RUFY1: variants seen among roughly 807,000 people sequenced by gnomAD.
The protein encoded by RUFY1 is RUN and FYVE domain containing 1.
In RUFY1, 54 loss-of-function variants were observed where a neutral mutation model predicts 94.6. The ratio of observed to expected loss-of-function variants is 0.57; its 90% CI spans 0.46 to 0.72. The LOEUF (loss-of-function observed/expected upper bound fraction) is 0.72, where lower values mean the gene tolerates loss of function less well. Among genes scored for constraint, RUFY1 ranks in the 30% least tolerant of loss-of-function variants. RUFY1 has a pLI of 0.00. For synonymous variants in RUFY1, 396 were observed against 347.3 expected (o/e 1.14, Z -1.56); for missense variants, 883 against 883.9 (o/e 1.00, Z 0.01).
intron 3 of RUFY1, among the ~76,000 whole-genome samples, chr5:179,566,585 A>T (rs1311624161): frequency 6.6e-6 from 1 of 150,440 alleles, no homozygotes; most frequent in Non-Finnish European, 1.5e-5. Context: ...AGATTGTGCC[A>T]CTGCACTCTA....
chr5:179,573,086 C>G (rs1763341709), intron 5 of RUFY1, among the ~76,000 whole-genome samples: 1 of 152,066 alleles, frequency 6.6e-6, no homozygotes, highest in South Asian at 2.1e-4. Context: ...TGGTTTATTT[C>G]TGGACTCTTC....
intron 9 of RUFY1, chr5:179,590,870 G>A (rs998412725): frequency 1.3e-5 from 2 of 149,840 alleles, no homozygotes; most frequent in African/African-American, 4.9e-5. Flanking sequence ...GAGTCTTGCT[G>A]TCACCCAGGC....
intron 17 of RUFY1, chr5:179,608,174 C>G (rs1767310132): frequency 2.4e-6 from 1 of 408,800 alleles, no homozygotes; most frequent in Non-Finnish European, 3.3e-6. Flanking sequence ...TCACCAAGAC[C>G]AGCTGGGTAG....
At chr5:179,607,545 A>G in intron 16 of RUFY1, 37 bp from the exon 17 acceptor site, 1 of 1,593,332 alleles carries the variant, frequency 6.3e-7, no homozygotes, top group South Asian at 1.1e-5. Flanking sequence ...AGGGGCTTAG[A>G]CAGAAAGTGG....
intron 9 of RUFY1, among the ~76,000 whole-genome samples, chr5:179,590,120 G>A (rs1377167577): frequency 1.3e-5 from 2 of 152,080 alleles, no homozygotes; most frequent in South Asian, 2.1e-4. Flanking sequence ...TTGGGAGGCC[G>A]AGGCGGGCGG....
intron 13 of RUFY1, among the ~76,000 whole-genome samples, chr5:179,597,417 A>G (rs1343717736): frequency 6.6e-6 from 1 of 152,036 alleles, no homozygotes; most frequent in Non-Finnish European, 1.5e-5. Context: ...TTGTATTTTT[A>G]GTAGAGACGG....
At chr5:179,597,786 G>A (rs1359638937) in intron 13 of RUFY1, among the ~76,000 whole-genome samples, 1 of 152,204 alleles carries the variant, frequency 6.6e-6, no homozygotes, top group Non-Finnish European at 1.5e-5. Context: ...GTCCAGCAGT[G>A]CCCCCAGGGC....
intron 5 of RUFY1, among the ~76,000 whole-genome samples, chr5:179,571,412 T>C (rs1763214195): frequency 6.6e-6 from 1 of 151,762 alleles, no homozygotes; most frequent in African/African-American, 2.4e-5. Flanking sequence ...GGTGGGAGGA[T>C]TGCTTGAGCC....
intron 16 of RUFY1, 120 bp downstream of exon 16, chr5:179,606,044 G>A (rs866646704): frequency 8.4e-6 from 6 of 713,698 alleles, no homozygotes; most frequent in African/African-American, 3.6e-5. Flanking sequence ...TGGTGATGAC[G>A]TATTGACAGA....
At chr5:179,599,182 G>A in intron 14 of RUFY1, 1 of 204,888 alleles carries the variant, frequency 4.9e-6, no homozygotes, top group Non-Finnish European at 9.7e-6. Context: ...AGTGTGAGGA[G>A]CAAAGAGGCG....
chr5:179,565,057 C>T (rs1010191142), intron 3 of RUFY1, among the ~76,000 whole-genome samples: 4 of 150,094 alleles, frequency 2.7e-5, no homozygotes, highest in African/African-American at 4.9e-5. Flanking sequence ...AAACATGTTT[C>T]GGAAATGAAC....
At chr5:179,577,316 T>A (rs1763700781) in intron 6 of RUFY1, among the ~76,000 whole-genome samples, 180 bp downstream of exon 6, 1 of 150,948 alleles carries the variant, frequency 6.6e-6, no homozygotes, top group Non-Finnish European at 1.5e-5. Flanking sequence ...GGACTACAGG[T>A]GCGCCCCACC....
Position 179,589,665 on chromosome 5 carries a change from A to C in RUFY1, c.1128+18A>C, listed in dbSNP as rs1457339474. 1 of 1,533,472 alleles carries C rather than the reference A, an allele frequency of 6.5e-7. No individual in the cohort carries two copies. The highest frequency in any genetic ancestry group is 9.0e-7 in the Non-Finnish European group (1 of 1,106,900). The allele number at this position is 1,533,472 out of a possible 1,614,324, so 95.0% of individuals were successfully genotyped here. On this transcript the variant is annotated intron_variant, in intron 9 of 17. Coordinates refer to ENST00000319449, the MANE Select transcript of RUFY1 (RefSeq NM_025158.5). ...GTGTAGAGGTGAGAAATTGACCTACATTTGGGCAGCATGTTTCTCACTCAG... is the reference window on the plus strand; with the variant it reads ...GTGTAGAGGTGAGAAATTGACCTACCTTTGGGCAGCATGTTTCTCACTCAG...
Position 179,550,851 on chromosome 5 carries a change from G to T in RUFY1, c.282G>T (p.Gly94=). Residue 94 remains glycine (G), a synonymous_variant, in exon 1 of 18, where the codon GGG becomes GGT. Transcript: ENST00000319449. ...GCGCGGCCGCGGGGCTGGGCGGCGGGGACAGCGGGGACGGCACGGCGCGCG... is the reference window on the plus strand; with the variant it reads ...GCGCGGCCGCGGGGCTGGGCGGCGGTGACAGCGGGGACGGCACGGCGCGCG... ...ALRAAAGLGG[G]DSGDGTARAA... is the part of the protein sequence containing the mutation. 8.3e-7 allele frequency: 1 copy of T among 1,201,326 alleles called. No homozygotes were observed. Among genetic ancestry groups the T allele is most frequent in the Non-Finnish European group, 1.0e-6 (1 of 971,836 alleles). 74.4% of individuals were successfully genotyped at this position (1,201,326 alleles called of 1,614,324 possible).
chr5:179,582,281 G>A (rs537092688), intron 7 of RUFY1, among the ~76,000 whole-genome samples: 1 of 152,158 alleles, frequency 6.6e-6, no homozygotes, highest in South Asian at 2.1e-4. Context: ...CTGGAGTGCT[G>A]TGGTACAATC....
At chr5:179,584,144 C>G (rs1029438459) in intron 7 of RUFY1, among the ~76,000 whole-genome samples, 2 of 152,156 alleles carry the variant, frequency 1.3e-5, no homozygotes, top group East Asian at 3.8e-4. Context: ...TTTCCATTCC[C>G]TCTGTATCTT....
chr5:179,590,215 G>A (rs183115284), intron 9 of RUFY1, among the ~76,000 whole-genome samples: 2 of 151,988 alleles, frequency 1.3e-5, no homozygotes, highest in East Asian at 2.0e-4. Flanking sequence ...TTAGCTGGGC[G>A]TGGTGGCAGG....
At chr5:179,606,805 GTA>G (rs1211121353) in intron 16 of RUFY1, 1 of 152,460 alleles carries the variant, frequency 6.6e-6, no homozygotes, top group East Asian at 1.9e-4. Context: ...AGCCCCAAGG[GTA>G]TATGGCTCTA....
intron 16 of RUFY1, 96 bp from the exon 17 acceptor site, chr5:179,607,486 G>A (rs1767223505): frequency 1.0e-6 from 1 of 955,670 alleles, no homozygotes; most frequent in South Asian, 1.4e-5. Context: ...TAGGAAACAG[G>A]TGCTATGAGG....
Sources: allele counts gnomAD v4.1 joint callset (sites outside exome capture counted in the v4.1 genomes callset), GRCh38; gene constraint gnomAD v4.1.1; transcripts MANE v1.5; gene names NCBI Gene and HGNC (gene_info 2026-07-23, HGNC 2026-07-21).